Variants in FADS1 observed in about 807,000 individuals in gnomAD.
The protein encoded by FADS1 is acyl-CoA (8-3)-desaturase.
In FADS1, 17 loss-of-function variants were observed where a neutral mutation model predicts 61.6. The observed-to-expected ratio is 0.28, with a 90% CI of 0.19 to 0.41. The LOEUF is 0.41. FADS1 is among the 10% of genes least tolerant of loss of function. The pLI is 1.00. For missense variants in FADS1, 387 were observed against 650.9 expected (o/e 0.59, Z 4.41); for synonymous variants, 238 against 258.7 (o/e 0.92, Z 0.77).
intron 6 of FADS1, chr11:61,806,160 GA>G (rs1565318881): frequency 6.5e-6 from 1 of 154,932 alleles, no homozygotes; most frequent in African/African-American, 2.4e-5. Context: ...CTAACAAGGT[GA>G]AACCCCGTCT....
chr11:61,806,695 C>G lies in FADS1; in HGVS notation c.945G>C (p.Pro315=), dbSNP rs1054304450. 1.2e-6 allele frequency: 2 copies of G among 1,614,118 alleles called. No individual in the cohort carries two copies. The highest frequency in any genetic ancestry group is 1.7e-6 in the Non-Finnish European group (2 of 1,179,972). Residue 315 remains proline, a synonymous_variant, in exon 6 of 12, where the codon CCG becomes CCC. Transcript: ENST00000350997. ...ELGKQKKKYM[P]YNHQHKYFFL... is the part of the protein sequence containing the mutation. ...AGAAGTATTTGTGCTGGTGGTTGTA[C>G]GGCATATATTTTTTCTTCTGTTTCC...
chr11:61,806,156 A>C (rs909131738), intron 6 of FADS1: 1 of 154,280 alleles, frequency 6.5e-6, no homozygotes, highest in African/African-American at 2.4e-5. Context: ...CTGGCTAACA[A>C]GGTGAAACCC....
Position 61,802,290 on chromosome 11 carries a change from A to T in FADS1, c.*121T>A. 1.2e-6 allele frequency: 1 copy of T among 860,658 alleles called. No homozygotes were observed. Among genetic ancestry groups the T allele is most frequent in the Non-Finnish European group, 1.9e-6 (1 of 528,872 alleles). 53.3% of individuals were successfully genotyped at this position (860,658 alleles called of 1,614,324 possible). A position where few individuals can be genotyped will look rare whatever the true frequency, so the allele number is the denominator to read the frequency against. On this transcript the variant is annotated 3_prime_UTR_variant, in exon 12 of 12. Transcript: ENST00000350997. The surrounding 1 kb of genome is among the most constrained non-coding windows in gnomAD (Gnocchi z 4.2). ...GGGAGGAGTTTGAGTCAGAGGCTTT[A>T]TGTCCCCAAACCCAACCCCCTCTGA...
chr11:61,815,135 C>G lies in FADS1; in HGVS notation c.375+1420G>C, dbSNP rs973082424. On this transcript the variant is annotated intron_variant, in intron 1 of 11. Coordinates refer to ENST00000350997, the MANE Select transcript of FADS1 (RefSeq NM_013402.7). This position sits in a 1 kb window ranked among gnomAD's most constrained non-coding sequence, Gnocchi z 6.4. ...TTCACGTTGGCAGGTCCGGCAGCCC[C>G]GGGCCCTGTAAGTGATGCGGCGTGT... is the stretch of plus-strand genomic sequence containing the variant. The G allele has an allele frequency of 1.8e-5, 3 of 162,608 alleles. 1 individual carries two copies. Among genetic ancestry groups the G allele is most frequent in the Middle Eastern group, 1.0e-3 (2 of 1,944 alleles). 10.1% of individuals were successfully genotyped at this position (162,608 alleles called of 1,614,324 possible).
Position 61,815,769 on chromosome 11 carries a change from C to A in FADS1, c.375+786G>T. The A allele has an allele frequency of 6.1e-6, 1 of 164,350 alleles. No individual in the cohort carries two copies. The highest frequency in any genetic ancestry group is 1.3e-5 in the Non-Finnish European group (1 of 74,606). 10.2% of individuals were successfully genotyped at this position (164,350 alleles called of 1,614,324 possible). On this transcript the variant is annotated intron_variant, in intron 1 of 11. Coordinates refer to ENST00000350997, the MANE Select transcript of FADS1 (RefSeq NM_013402.7). This position sits in a 1 kb window ranked among gnomAD's most constrained non-coding sequence, Gnocchi z 6.4. Reference sequence around the variant, plus strand: ...GAGACCAAGGGAAGAAGGGACAGGACCCCGCGAAGGGCCTACCGCCCCAGA... The same window carrying A: ...GAGACCAAGGGAAGAAGGGACAGGAACCCGCGAAGGGCCTACCGCCCCAGA...
In FADS1 at chr11:61,816,161, C is replaced by G. The variant is rs575261863; in HGVS notation, c.375+394G>C. 2.1e-5 allele frequency: 24 copies of G among 1,126,996 alleles called. No individual in the cohort carries two copies. Among genetic ancestry groups the G allele is most frequent in the Non-Finnish European group, 2.8e-5 (22 of 798,436 alleles). The allele number at this position is 1,126,996 out of a possible 1,614,324, so 69.8% of individuals were successfully genotyped here. On this transcript the variant is annotated intron_variant, in intron 1 of 11. Coordinates refer to ENST00000350997, the MANE Select transcript of FADS1 (RefSeq NM_013402.7). The surrounding 1 kb of genome is among the most constrained non-coding windows in gnomAD (Gnocchi z 7.0). ...TAGCCATCGAGACAGGATGTGACTCCCTCCCCTGGCCACTGACCCCCTCCC... is the reference window on the plus strand; with the variant it reads ...TAGCCATCGAGACAGGATGTGACTCGCTCCCCTGGCCACTGACCCCCTCCC...
At chr11:61,812,021 A>G (rs1002055449) in intron 3 of FADS1, 1 of 323,698 alleles carries the variant, frequency 3.1e-6, no homozygotes, top group East Asian at 8.6e-5. Flanking sequence ...CCTGAAGCTC[A>G]TGACTTATGA....
rs115963598 is a variant in FADS1 at position 61,808,793 on chromosome 11, C to T, written c.915+1958G>A. Among the ~76,000 whole-genome samples the T allele has an allele frequency of 6.1e-3, 927 of 152,326 alleles. 11 individuals are homozygous for T. The highest frequency in any genetic ancestry group is 0.019 in the African/African-American group (798 of 41,572). On this transcript the variant is annotated intron_variant, in intron 5 of 11. Transcript: ENST00000350997. The stretch of plus-strand genomic sequence containing the variant: ...TCAGCAAGCGTTGCTTACACTGCCT[C>T]CAAAACATATCCCAAATCCATTGGC...
At position 61,802,940 on chromosome 11, in the gene FADS1, G is replaced by A. The variant is rs775529004; in HGVS notation, c.1329-14C>T. ...GTGGGAAAAAGACTTTAGGGAGAAC[G>A]GGGGAGTCAGTGGTTCCTGCTTCTC... On this transcript the variant is annotated splice_polypyrimidine_tract_variant and intron_variant, in intron 10 of 11. Transcript: ENST00000350997. This position sits in a 1 kb window ranked among gnomAD's most constrained non-coding sequence, Gnocchi z 4.2. The A allele has an allele frequency of 8.1e-6, 13 of 1,612,754 alleles. No homozygotes were observed. Among genetic ancestry groups the A allele is most frequent in the South Asian group, 1.1e-5 (1 of 90,984 alleles).
At chr11:61,810,059 G>A (rs1016335482) in intron 5 of FADS1, among the ~76,000 whole-genome samples, 2 of 152,220 alleles carry the variant, frequency 1.3e-5, no homozygotes, top group Non-Finnish European at 2.9e-5. Flanking sequence ...GGGACAAAGG[G>A]CTTTAAATGA....
Position 61,803,408 on chromosome 11 carries a change from G to A in FADS1, c.1203C>T (p.Pro401=), listed in dbSNP as rs1469060572. The change falls in exon 9 of 12, where the codon CCC becomes CCT. Residue 401 remains proline (P), a synonymous_variant. Transcript: ENST00000350997. The surrounding 1 kb of genome is among the most constrained non-coding windows in gnomAD (Gnocchi z 4.3). ...TGTTCCGGTCATGATCAATGTGCAT[G>A]GGAATATGGTTCATCTGTGTCACCC... ...FVWVTQMNHI[P]MHIDHDRNMD... The A allele has an allele frequency of 1.1e-5, 17 of 1,614,004 alleles. No homozygotes were observed. Among genetic ancestry groups the A allele is most frequent in the Non-Finnish European group, 1.4e-5 (17 of 1,179,986 alleles).
At position 61,803,486 on chromosome 11, in the gene FADS1, A is replaced by G. The variant is rs527362891; in HGVS notation, c.1152-27T>C. On this transcript the variant is annotated intron_variant, in intron 8 of 11. Transcript: ENST00000350997. The surrounding 1 kb of genome is among the most constrained non-coding windows in gnomAD (Gnocchi z 4.3). ...TGTTAGATGTATTACACAGACAAAA[A>G]CAGTACACACAGAGCCCAGAATTCT... The G allele has an allele frequency of 6.4e-7, 1 of 1,570,830 alleles. No individual in the cohort carries two copies. The highest frequency in any genetic ancestry group is 2.2e-5 in the East Asian group (1 of 44,690).
chr11:61,803,204 G>T lies in FADS1; in HGVS notation c.1249-93C>A. ...GTAAAGCTGGCTGAGGAAGGGACAT[G>T]AGACTGTCTTGGTCACTCCCTTCAC... is the stretch of plus-strand genomic sequence containing the variant. On this transcript the variant is annotated intron_variant, in intron 9 of 11. Transcript: ENST00000350997. This position sits in a 1 kb window ranked among gnomAD's most constrained non-coding sequence, Gnocchi z 4.3. 1 of 1,342,026 alleles carries T rather than the reference G, an allele frequency of 7.5e-7. No homozygotes were observed. Among genetic ancestry groups the T allele is most frequent in the Non-Finnish European group, 1.1e-6 (1 of 937,430 alleles). The allele number at this position is 1,342,026 out of a possible 1,614,324, so 83.1% of individuals were successfully genotyped here.
intron 5 of FADS1, 143 bp downstream of exon 5, chr11:61,810,608 A>T: frequency 9.7e-7 from 1 of 1,033,854 alleles, no homozygotes; most frequent in Non-Finnish European, 1.4e-6. Context: ...GTTGCCTTCC[A>T]GAACTTCCAA....
chr11:61,805,478 A>G (rs2066886577), intron 6 of FADS1: 1 of 152,162 alleles, frequency 6.6e-6, no homozygotes, highest in Non-Finnish European at 1.5e-5. Context: ...ACCTGATGCT[A>G]CCCATAACTC....
intron 3 of FADS1, 100 bp downstream of exon 3, chr11:61,812,371 G>T: frequency 1.9e-6 from 2 of 1,047,380 alleles, no homozygotes; most frequent in African/African-American, 1.6e-5. Flanking sequence ...GATCTGCCCT[G>T]CTTGGAGGGC....
Position 61,799,736 on chromosome 11 carries a change from C to T in FADS1, c.*2675G>A, listed in dbSNP as rs2066841987. On this transcript the variant is annotated 3_prime_UTR_variant, in exon 12 of 12. Transcript: ENST00000350997. ...GCCTGATTTAAAAAATGCCTCTGGC[C>T]AGGTTGTAAAAAAGTGAAAGTAACA... is the stretch of plus-strand genomic sequence containing the variant. The T allele has an allele frequency of 6.6e-6, 1 of 152,286 alleles. No individual in the cohort carries two copies. The highest frequency in any genetic ancestry group is 2.4e-5 in the African/African-American group (1 of 41,416). 9.4% of individuals were successfully genotyped at this position (152,286 alleles called of 1,614,324 possible). A position where few individuals can be genotyped will look rare whatever the true frequency, so the allele number is the denominator to read the frequency against.
chr11:61,803,431 C>T lies in FADS1; in HGVS notation c.1180G>A (p.Val394Met). 1 of 1,614,118 alleles carries T rather than the reference C, an allele frequency of 6.2e-7. No individual in the cohort carries two copies. The highest frequency in any genetic ancestry group is 8.5e-7 in the Non-Finnish European group (1 of 1,179,958). The change falls in exon 9 of 12, where the codon GTG (valine) becomes ATG (methionine). Residue 394 changes from valine (V) to methionine (M), a missense_variant. Physicochemically the swap from Val to Met is conservative, Grantham distance 21. This residue lies in a region of FADS1 where 257 missense variants were observed against 533.3 expected (regional missense o/e 0.48). Coordinates refer to ENST00000350997, the MANE Select transcript of FADS1 (RefSeq NM_013402.7). This position sits in a 1 kb window ranked among gnomAD's most constrained non-coding sequence, Gnocchi z 4.3. ...ATGGGAATATGGTTCATCTGTGTCA[C>T]CCACACAAACCAGTTGCTTTCCAGG... ...RFLESNWFVW[V>M]TQMNHIPMHI...
In FADS1 at chr11:61,803,640, CAGT is replaced by C; in HGVS notation, c.1151+27_1151+29del. The C allele has an allele frequency of 6.4e-7, 1 of 1,563,042 alleles. No homozygotes were observed. Among genetic ancestry groups the C allele is most frequent in the East Asian group, 2.2e-5 (1 of 44,652 alleles). ...GGTCACTCCCCAACATTTCCTTCAC[CAGT>C]CCCTATCCGCCCCCACCGAATACTA... On this transcript the variant is annotated intron_variant, in intron 8 of 11. Coordinates refer to ENST00000350997, the MANE Select transcript of FADS1 (RefSeq NM_013402.7). This position sits in a 1 kb window ranked among gnomAD's most constrained non-coding sequence, Gnocchi z 4.3.
Sources: allele counts gnomAD v4.1 joint callset (sites outside exome capture counted in the v4.1 genomes callset), GRCh38; gene constraint gnomAD v4.1.1; regional missense constraint gnomAD v4.1.1; non-coding constraint Gnocchi (gnomAD v3.1); transcripts MANE v1.5; gene names NCBI Gene and HGNC (gene_info 2026-07-23, HGNC 2026-07-21).